CDCA5: variants seen among roughly 807,000 people sequenced by gnomAD.
CDCA5 encodes sororin.
A neutral mutation model predicts 25.7 loss-of-function variants in CDCA5; 14 were observed. The observed-to-expected ratio is 0.54, with a 90% CI of 0.36 to 0.85. The LOEUF is 0.85. Ranked by LOEUF, CDCA5 falls within the 40% of genes least tolerant of loss-of-function variation. CDCA5 has a pLI of 0.01. For missense variants in CDCA5, 307 were observed against 324.5 expected, an observed-to-expected ratio of 0.95 and a Z score of 0.41; for synonymous variants, 127 against 128.7, an observed-to-expected ratio of 0.99 and a Z score of 0.09.
At position 65,079,050 on chromosome 11, in the gene CDCA5, G is replaced by T. The variant is rs747909180; in HGVS notation, c.*57C>A. 8 of 1,460,580 alleles carry T rather than the reference G, an allele frequency of 5.5e-6. No individual in the cohort carries two copies. The highest frequency in any genetic ancestry group is 7.2e-6 in the Non-Finnish European group (8 of 1,106,020). The allele number at this position is 1,460,580 out of a possible 1,614,324, so 90.5% of individuals were successfully genotyped here. On this transcript the variant is annotated 3_prime_UTR_variant, in exon 6 of 6. Coordinates refer to ENST00000275517, the MANE Select transcript of CDCA5 (RefSeq NM_080668.4). ...ACCCTAAGTGTCCTCTCCACAGGGA[G>T]GTGGCTATGTACAGGACAGGAGGGA...
downstream of CDCA5, among the ~76,000 whole-genome samples, chr11:65,061,789 A>C (rs568604205): frequency 7.9e-3 from 1,188 of 151,070 alleles, 18 homozygotes; most frequent in African/African-American, 0.027. Context: ...AAAAAAAAAA[A>C]AAAAAACAAA....
chr11:65,070,452 T>G (rs969152494), intron 1 of CDCA5, among the ~76,000 whole-genome samples: 2 of 152,184 alleles, frequency 1.3e-5, no homozygotes, highest in Admixed American at 1.3e-4. Context: ...CAGGTTAAAT[T>G]GGGATCTCAG....
chr11:65,077,743 C>T lies in CDCA5; in HGVS notation c.*1364G>A, dbSNP rs1947474942. On this transcript the variant is annotated 3_prime_UTR_variant, in exon 6 of 6. Coordinates refer to ENST00000275517, the MANE Select transcript of CDCA5 (RefSeq NM_080668.4). ...AAACCACAGAGCGTTGAGCAGATGG[C>T]CTGGGACTCCCAGACCTGGCAGAGG... is the stretch of plus-strand genomic sequence containing the variant. 2 of 985,576 alleles carry T rather than the reference C, an allele frequency of 2.0e-6. No homozygotes were observed. Among genetic ancestry groups the T allele is most frequent in the Non-Finnish European group, 2.4e-6 (2 of 830,018 alleles). The allele number at this position is 985,576 out of a possible 1,614,324, so 61.1% of individuals were successfully genotyped here. A position where few individuals can be genotyped will look rare whatever the true frequency, so the allele number is the denominator to read the frequency against.
At chr11:65,069,591 C>T (rs1947303039) in intron 1 of CDCA5, among the ~76,000 whole-genome samples, 1 of 152,124 alleles carries the variant, frequency 6.6e-6, no homozygotes, top group Non-Finnish European at 1.5e-5. Flanking sequence ...AACCTGGCTG[C>T]GTATAACAAG....
At chr11:65,061,777 GAA>G (rs781316054), downstream of CDCA5, among the ~76,000 whole-genome samples, 82 of 81,548 alleles carry the variant, frequency 1.0e-3, no homozygotes, top group East Asian at 0.013. Flanking sequence ...TCCGTCTCAA[GAA>G]AAAAAAAAAA....
At chr11:65,061,914 ATTT>A (rs35836447), downstream of CDCA5, among the ~76,000 whole-genome samples, 3 of 82,300 alleles carry the variant, frequency 3.6e-5, no homozygotes, top group Non-Finnish European at 7.0e-5. Context: ...CAGCTGCCTA[ATTT>A]TTTTTTTTTT....
In CDCA5 at chr11:65,077,813, C is replaced by A; in HGVS notation, c.*1294G>T. ...GGCCTGCACCGTTTCATCCAAGTAC[C>A]CTGACCCAGCACTCATCTTCCCTGG... On this transcript the variant is annotated 3_prime_UTR_variant, in exon 6 of 6. Transcript: ENST00000275517. 1.0e-6 allele frequency: 1 copy of A among 985,766 alleles called. No homozygotes were observed. Among genetic ancestry groups the A allele is most frequent in the Non-Finnish European group, 1.2e-6 (1 of 830,088 alleles). The allele number at this position is 985,766 out of a possible 1,614,324, so 61.1% of individuals were successfully genotyped here. A position where few individuals can be genotyped will look rare whatever the true frequency, so the allele number is the denominator to read the frequency against.
chr11:65,063,068 C>A (rs1003173869), downstream of CDCA5, among the ~76,000 whole-genome samples: 3 of 152,206 alleles, frequency 2.0e-5, no homozygotes, highest in Non-Finnish European at 4.4e-5. Flanking sequence ...TGTCTTCTGT[C>A]CAAGGGGTGT....
At chr11:65,062,128 C>T (rs989273044), downstream of CDCA5, among the ~76,000 whole-genome samples, 27 of 152,086 alleles carry the variant, frequency 1.8e-4, no homozygotes, top group Non-Finnish European at 5.9e-5. Flanking sequence ...CCATGTTGGT[C>T]AGGCTGGTCT....
chr11:65,062,424 C>T (rs1027090231), downstream of CDCA5, among the ~76,000 whole-genome samples: 15 of 152,162 alleles, frequency 9.9e-5, no homozygotes, highest in African/African-American at 3.4e-4. Context: ...CCGGTCCCCT[C>T]CCTGTCCTCC....
Position 65,083,448 on chromosome 11 carries a change from C to T in CDCA5, c.207+37G>A, listed in dbSNP as rs542228550. 6.8e-6 allele frequency: 11 copies of T among 1,614,160 alleles called. No individual in the cohort carries two copies. In the Admixed American group the frequency reaches 1.5e-4, roughly 22 times the overall value. ...TCACATAGCTGGTCCCCAGTTTTGCCCGCCTAACCACCCACAACACTCTCC... is the reference window on the plus strand; with the variant it reads ...TCACATAGCTGGTCCCCAGTTTTGCTCGCCTAACCACCCACAACACTCTCC... On this transcript the variant is annotated intron_variant, in intron 3 of 5. Transcript: ENST00000275517.
chr11:65,068,232 C>A (rs951706833), intron 2 of CDCA5: 14 of 628,536 alleles, frequency 2.2e-5, no homozygotes, highest in South Asian at 2.2e-4. Flanking sequence ...GGGGCCCCAT[C>A]GTCTGTATCC....
chr11:65,081,479 C>G (rs1947565718), intron 4 of CDCA5, among the ~76,000 whole-genome samples: 1 of 151,760 alleles, frequency 6.6e-6, no homozygotes, highest in African/African-American at 2.4e-5. Flanking sequence ...CTGCTGACTA[C>G]GACTTCCTCA....
chr11:65,061,356 GCCTCACGAGAGTC>G (rs1283327500), downstream of CDCA5, among the ~76,000 whole-genome samples: 1 of 152,200 alleles, frequency 6.6e-6, no homozygotes, highest in Non-Finnish European at 1.5e-5. Flanking sequence ...CTTGACTGCA[GCCTCACGAGAGTC>G]CCTCAGCCAG....
downstream of CDCA5, among the ~76,000 whole-genome samples, chr11:65,072,503 A>C (rs905824049): frequency 3.3e-5 from 5 of 152,210 alleles, no homozygotes; most frequent in Admixed American, 1.3e-4. Flanking sequence ...CCTCACATGC[A>C]CACTGGTGGG....
exon 3 of CDCA5, chr11:65,068,057 G>C: frequency 3.9e-6 from 5 of 1,289,392 alleles, no homozygotes; most frequent in Non-Finnish European, 5.1e-6. Context: ...AGTGGGCTCA[G>C]AGGTGTTCAG....
downstream of CDCA5, among the ~76,000 whole-genome samples, chr11:65,062,619 C>T (rs936491918): frequency 1.3e-5 from 2 of 152,256 alleles, no homozygotes; most frequent in South Asian, 4.1e-4. Flanking sequence ...ATGAGCTCTT[C>T]CCTGACTACT....
chr11:65,079,689 G>T lies in CDCA5; in HGVS notation c.342C>A (p.Ser114Arg). Residue 114 changes from serine to arginine, a missense_variant, in exon 5 of 6, where the codon AGC becomes AGA. Transcript: ENST00000275517. ...KTHSVPATPTSTPVPNPEAES... is the reference protein window; with the variant it reads ...KTHSVPATPTRTPVPNPEAES... ...CGGCCTCAGGGTTCGGCACAGGAGTGCTGGTGGGGGTGGCAGGGACGCTGT... is the reference window on the plus strand; with the variant it reads ...CGGCCTCAGGGTTCGGCACAGGAGTTCTGGTGGGGGTGGCAGGGACGCTGT... 6.3e-7 allele frequency: 1 copy of T among 1,587,832 alleles called. No homozygotes were observed. The highest frequency in any genetic ancestry group is 1.8e-5 in the Admixed American group (1 of 56,078).
chr11:65,072,383 G>A (rs191482919), intron 1 of CDCA5, among the ~76,000 whole-genome samples: 22 of 152,334 alleles, frequency 1.4e-4, no homozygotes, highest in African/African-American at 4.1e-4. Context: ...GGACCCAGGC[G>A]AGGAGGGAGG....
Sources: gnomAD v4.1 joint callset for allele counts (sites outside exome capture counted in the v4.1 genomes callset) on GRCh38, gnomAD v4.1.1 for gene constraint, MANE v1.5 for transcripts, NCBI Gene and HGNC (gene_info 2026-07-23, HGNC 2026-07-21) for gene names.